Variants in CSTPP1 observed in about 807,000 individuals in gnomAD.
CSTPP1 encodes UPF0705 protein C11orf49.
chr11:47,160,781 C>G, the CSTPP1 span: 1 of 305,842 alleles, frequency 3.3e-6, no homozygotes, highest in Non-Finnish European at 6.2e-6. Context: ...TTAGCCTGGA[C>G]CATATCCTTT....
At chr11:47,155,154 A>G in the CSTPP1 span, 5 of 1,586,262 alleles carry the variant, frequency 3.2e-6, no homozygotes, top group Admixed American at 3.4e-5. Flanking sequence ...TCTCTCTCTC[A>G]GATTCTCTCT....
chr11:47,046,530 A>T, the CSTPP1 span, among the ~76,000 whole-genome samples: 1 of 152,094 alleles, frequency 6.6e-6, no homozygotes, highest in African/African-American at 2.4e-5. Context: ...AAATTAAAGA[A>T]GAGCTAAATA....
the CSTPP1 span, among the ~76,000 whole-genome samples, chr11:46,958,507 G>A: frequency 1.3e-5 from 2 of 151,952 alleles, no homozygotes; most frequent in East Asian, 1.9e-4. Flanking sequence ...ATAGAGTCTC[G>A]CTATATTGTC....
At chr11:47,092,956 A>C in the CSTPP1 span, among the ~76,000 whole-genome samples, 1 of 152,218 alleles carries the variant, frequency 6.6e-6, no homozygotes, top group Non-Finnish European at 1.5e-5. Context: ...AGCATTGAGA[A>C]TGCTGCCTAG....
At chr11:47,045,027 C>T in the CSTPP1 span, among the ~76,000 whole-genome samples, 1 of 152,084 alleles carries the variant, frequency 6.6e-6, no homozygotes, top group African/African-American at 2.4e-5. Flanking sequence ...GTAGAATCTG[C>T]ATTAATGATA....
the CSTPP1 span, chr11:46,987,363 A>G: frequency 9.1e-6 from 13 of 1,427,318 alleles, no homozygotes; most frequent in Non-Finnish European, 1.2e-5. Context: ...GGCGCTTGGA[A>G]GCAGGCAGGA....
chr11:47,143,203 CCT>C, the CSTPP1 span, among the ~76,000 whole-genome samples: 1 of 152,206 alleles, frequency 6.6e-6, no homozygotes, highest in Non-Finnish European at 1.5e-5. Context: ...GAAAGCATCC[CCT>C]GATTTTGTAA....
the CSTPP1 span, among the ~76,000 whole-genome samples, chr11:47,008,175 C>A: frequency 9.2e-5 from 14 of 152,104 alleles, no homozygotes; most frequent in Non-Finnish European, 1.8e-4. Context: ...CCGTGCTGGC[C>A]AGGCTGGTCT....
chr11:47,158,061 AG>A, the CSTPP1 span: 1 of 734,936 alleles, frequency 1.4e-6, no homozygotes, highest in Non-Finnish European at 2.3e-6. Flanking sequence ...ACTCAATCCC[AG>A]GGAGCAGGAA....
chr11:47,042,788 G>A, the CSTPP1 span, among the ~76,000 whole-genome samples: 1 of 152,124 alleles, frequency 6.6e-6, no homozygotes, highest in East Asian at 1.9e-4. Flanking sequence ...TTAGAGGAAA[G>A]ATTAATGTCT....
At chr11:47,161,792 G>A in the CSTPP1 span, 1 of 1,415,714 alleles carries the variant, frequency 7.1e-7, no homozygotes, top group Non-Finnish European at 9.2e-7. Flanking sequence ...GGGCTCTGAT[G>A]ATCAGCCCAG....
At chr11:47,012,579 A>C in the CSTPP1 span, among the ~76,000 whole-genome samples, 1 of 152,128 alleles carries the variant, frequency 6.6e-6, no homozygotes, top group African/African-American at 2.4e-5. Flanking sequence ...GAAGAGAAAA[A>C]AGAAAAAGAG....
chr11:47,105,095 G>C, the CSTPP1 span, among the ~76,000 whole-genome samples: 1 of 152,200 alleles, frequency 6.6e-6, no homozygotes, highest in African/African-American at 2.4e-5. Flanking sequence ...GATGGTTTGA[G>C]GATCTAAGCC....
At chr11:47,008,336 A>G in the CSTPP1 span, among the ~76,000 whole-genome samples, 3 of 152,342 alleles carry the variant, frequency 2.0e-5, no homozygotes, top group African/African-American at 7.2e-5. Context: ...ATTCAAAATT[A>G]TTAACTGCTT....
At chr11:47,161,665 G>A in the CSTPP1 span, 14 of 1,582,150 alleles carry the variant, frequency 8.8e-6, no homozygotes, top group East Asian at 2.2e-5. Flanking sequence ...TGCCCACAGC[G>A]CCCTGTACCT....
At chr11:46,989,532 C>T in the CSTPP1 span, among the ~76,000 whole-genome samples, 1 of 152,148 alleles carries the variant, frequency 6.6e-6, no homozygotes, top group African/African-American at 2.4e-5. Flanking sequence ...AACTGCAGGC[C>T]TCAAGTAATC....
chr11:47,164,038 C>G, the CSTPP1 span: 1 of 1,553,132 alleles, frequency 6.4e-7, no homozygotes, highest in African/African-American at 1.4e-5. Flanking sequence ...CGCTCGCCCT[C>G]AGCCAGCGAG....
At chr11:46,985,897 C>T in the CSTPP1 span, among the ~76,000 whole-genome samples, 1 of 152,112 alleles carries the variant, frequency 6.6e-6, no homozygotes, top group African/African-American at 2.4e-5. Context: ...GAGAATGGAG[C>T]TCTCAACTCT....
chr11:47,058,889 G>A, the CSTPP1 span, among the ~76,000 whole-genome samples: 2 of 152,180 alleles, frequency 1.3e-5, no homozygotes, highest in South Asian at 4.1e-4. Context: ...GACAATACTT[G>A]CCCTCAAGGA....
Sources: gnomAD v4.1 joint callset for allele counts (sites outside exome capture counted in the v4.1 genomes callset) on GRCh38, gnomAD v4.1.1 for gene constraint, MANE v1.5 for transcripts, NCBI Gene and HGNC (gene_info 2026-07-23, HGNC 2026-07-21) for gene names.